SLC14A2: variants seen among roughly 807,000 people sequenced by gnomAD.
SLC14A2 encodes the protein urea transporter 2.
SLC14A2 carries 91 observed loss-of-function variants against 104.6 expected under a neutral mutation model. The observed-to-expected ratio is 0.87, with a 90% CI of 0.73 to 1.04. SLC14A2 has a LOEUF of 1.04. Among genes scored for constraint, SLC14A2 ranks in the 50% least tolerant of loss-of-function variants. The probability of loss-of-function intolerance (pLI) is 0.00; values close to 1 mark genes in which losing one functional copy is unlikely to be tolerated. For synonymous variants in SLC14A2, 476 were observed against 466.4 expected (o/e 1.02, Z -0.27); for missense variants, 1,189 against 1,156.0 (o/e 1.03, Z -0.41).
chr18:45,550,743 A>C (rs891258457), intron 2 of SLC14A2, among the ~76,000 whole-genome samples: 7 of 152,190 alleles, frequency 4.6e-5, no homozygotes, highest in Non-Finnish European at 8.8e-5. Context: ...GGATCTGAGG[A>C]GTCTTGGAGG....
chr18:45,406,103 A>G (rs2144472646), intron 1 of SLC14A2, among the ~76,000 whole-genome samples: 1 of 152,242 alleles, frequency 6.6e-6, no homozygotes, highest in South Asian at 2.1e-4. Context: ...ATGTGATGCT[A>G]TTTGATAGTA....
chr18:45,373,882 C>G (rs761214464), intron 1 of SLC14A2, among the ~76,000 whole-genome samples: 1 of 152,202 alleles, frequency 6.6e-6, no homozygotes, highest in Non-Finnish European at 1.5e-5. Context: ...ATAGTCAGTG[C>G]TCAACTATTA....
chr18:45,571,857 G>C (rs2044351034), intron 2 of SLC14A2, among the ~76,000 whole-genome samples: 1 of 150,424 alleles, frequency 6.6e-6, no homozygotes, highest in Non-Finnish European at 1.5e-5. Context: ...AATATAATAT[G>C]GGTTGATTGA....
chr18:45,654,150 G>A (rs1759968413), intron 10 of SLC14A2, among the ~76,000 whole-genome samples: 1 of 140,756 alleles, frequency 7.1e-6, no homozygotes, highest in Admixed American at 7.3e-5. Flanking sequence ...GGGGGACGTG[G>A]GTGAGCTGCA....
chr18:45,354,762 C>T (rs905479192), intron 1 of SLC14A2, among the ~76,000 whole-genome samples: 2 of 152,150 alleles, frequency 1.3e-5, no homozygotes, highest in African/African-American at 2.4e-5. Flanking sequence ...GCTGCACTTC[C>T]CCAACCTTCA....
intron 1 of SLC14A2, among the ~76,000 whole-genome samples, chr18:45,388,720 G>T (rs1417117890): frequency 6.6e-6 from 1 of 152,158 alleles, no homozygotes; most frequent in African/African-American, 2.4e-5. Flanking sequence ...AGACAGAAGG[G>T]CATATTGGCA....
intron 1 of SLC14A2, among the ~76,000 whole-genome samples, chr18:45,417,931 A>G (rs2086295998): frequency 6.6e-6 from 1 of 152,176 alleles, no homozygotes; most frequent in Non-Finnish European, 1.5e-5. Context: ...CTCTTTTATA[A>G]GAGGAACCTG....
chr18:45,456,314 C>G (rs2086942781), intron 1 of SLC14A2, among the ~76,000 whole-genome samples: 1 of 152,200 alleles, frequency 6.6e-6, no homozygotes, highest in Non-Finnish European at 1.5e-5. Context: ...GACCATTCAT[C>G]CCAGCTCATT....
chr18:45,534,380 T>C (rs1346862963), intron 2 of SLC14A2, among the ~76,000 whole-genome samples: 1 of 151,820 alleles, frequency 6.6e-6, no homozygotes, highest in African/African-American at 2.4e-5. Context: ...CCCAGAGAGG[T>C]ACAGACGCGA....
intron 1 of SLC14A2, among the ~76,000 whole-genome samples, chr18:45,347,913 C>T (rs1402569308): frequency 1.3e-5 from 2 of 152,226 alleles, no homozygotes; most frequent in African/African-American, 2.4e-5. Flanking sequence ...GCCCATGGTC[C>T]GGGGTGTCCC....
At chr18:45,298,617 C>T (rs2144184791) in intron 1 of SLC14A2, among the ~76,000 whole-genome samples, 1 of 152,312 alleles carries the variant, frequency 6.6e-6, no homozygotes, top group South Asian at 2.1e-4. Context: ...CATCTGTCTA[C>T]TGGCTTTCAA....
chr18:45,526,673 G>C (rs2043597274), intron 2 of SLC14A2, among the ~76,000 whole-genome samples: 1 of 152,072 alleles, frequency 6.6e-6, no homozygotes, highest in Admixed American at 6.6e-5. Flanking sequence ...CATATAGAGG[G>C]GGAAGATGGG....
At chr18:45,402,217 C>A (rs1313736118) in intron 1 of SLC14A2, among the ~76,000 whole-genome samples, 1 of 152,156 alleles carries the variant, frequency 6.6e-6, no homozygotes, top group Non-Finnish European at 1.5e-5. Context: ...AGCCTTCTCA[C>A]CCAGCACCCC....
intron 1 of SLC14A2, among the ~76,000 whole-genome samples, chr18:45,236,615 G>A (rs143596587): frequency 2.1e-4 from 32 of 149,888 alleles, no homozygotes; most frequent in Admixed American, 2.0e-4. Context: ...TCATGTGTGT[G>A]TATATATGTG....
At chr18:45,471,781 CT>C (rs1283825599) in intron 1 of SLC14A2, among the ~76,000 whole-genome samples, 1 of 151,498 alleles carries the variant, frequency 6.6e-6, no homozygotes, top group Non-Finnish European at 1.5e-5. Flanking sequence ...ATTTTTTGCT[CT>C]TTCAGTTGTC....
the SLC14A2 span, among the ~76,000 whole-genome samples, chr18:45,197,728 T>C: frequency 1.3e-5 from 2 of 152,228 alleles, no homozygotes; most frequent in African/African-American, 4.8e-5. Context: ...CCCTGAACAA[T>C]GCGTCTCATT....
At chr18:45,589,245 T>C (rs1408841029) in intron 2 of SLC14A2, among the ~76,000 whole-genome samples, 1 of 150,972 alleles carries the variant, frequency 6.6e-6, no homozygotes, top group East Asian at 2.0e-4. Context: ...CACAGAACGA[T>C]TAAAGTTTGT....
chr18:45,473,944 T>G (rs538342057), intron 1 of SLC14A2, among the ~76,000 whole-genome samples: 143 of 152,324 alleles, frequency 9.4e-4, no homozygotes, highest in African/African-American at 3.2e-3. Context: ...GAGGGCATAC[T>G]TGTCTTGTGC....
intron 1 of SLC14A2, among the ~76,000 whole-genome samples, chr18:45,303,129 G>A (rs1258413451): frequency 6.6e-6 from 1 of 152,192 alleles, no homozygotes; most frequent in East Asian, 1.9e-4. Flanking sequence ...CATAATCACA[G>A]CAGATTCACA....
Sources: gnomAD v4.1 joint callset for allele counts (sites outside exome capture counted in the v4.1 genomes callset) on GRCh38, gnomAD v4.1.1 for gene constraint, MANE v1.5 for transcripts, NCBI Gene and HGNC (gene_info 2026-07-23, HGNC 2026-07-21) for gene names.